Variants in EIF3I observed in about 807,000 individuals in gnomAD.
EIF3I encodes the protein eukaryotic translation initiation factor 3 subunit I.
Under a neutral mutation model 43.3 loss-of-function variants are expected in EIF3I, and 20 were observed. The observed-to-expected ratio is 0.46, with a 90% CI of 0.32 to 0.67. EIF3I has a LOEUF of 0.67. Ranked by LOEUF, EIF3I falls within the 30% of genes least tolerant of loss-of-function variation. The pLI is 0.03. For missense variants in EIF3I, 279 were observed against 421.4 expected (o/e 0.66, Z 2.96); for synonymous variants, 167 against 151.7 (o/e 1.10, Z -0.74).
At chr1:32,235,586 T>C (rs1639289826), downstream of EIF3I, among the ~76,000 whole-genome samples, 1 of 152,204 alleles carries the variant, frequency 6.6e-6, no homozygotes, top group Non-Finnish European at 1.5e-5. Context: ...CCCAAAGTGC[T>C]GGGATTACAG....
downstream of EIF3I, among the ~76,000 whole-genome samples, chr1:32,235,931 G>A (rs1240958523): frequency 3.3e-5 from 5 of 152,166 alleles, no homozygotes; most frequent in Admixed American, 1.3e-4. Context: ...ATCTAACAGC[G>A]ACTTCTCAGC....
At chr1:32,234,873 T>C (rs1639279931), downstream of EIF3I, 1 of 152,484 alleles carries the variant, frequency 6.6e-6, no homozygotes. Flanking sequence ...CTATATTTGC[T>C]TACTGAATCA....
chr1:32,228,520 G>A, exon 7 of EIF3I: 2 of 1,614,148 alleles, frequency 1.2e-6, no homozygotes, highest in Non-Finnish European at 1.7e-6. Context: ...GTTGGTGAAT[G>A]TTAAGGAGCA....
Position 32,226,238 on chromosome 1 carries a change from C to T in EIF3I, c.318C>T (p.Asn106=), listed in dbSNP as rs756108155. Reference sequence around the variant, plus strand: ...CCTGCGGTTTTGACTTTGGGGGCAACATCATCATGTTCTCCACGGACAAGC... The same window carrying T: ...CCTGCGGTTTTGACTTTGGGGGCAATATCATCATGTTCTCCACGGACAAGC... Residue 106 remains asparagine, a synonymous_variant, in exon 5 of 12, where the codon AAC becomes AAT. Coordinates refer to ENST00000676679, the Ensembl canonical transcript of EIF3I. The T allele has an allele frequency of 3.7e-6, 6 of 1,614,060 alleles. No homozygotes were observed. The South Asian group carries it at 5.5e-5, about 15-fold the overall frequency.
intron 2 of EIF3I, among the ~76,000 whole-genome samples, chr1:32,223,292 A>T (rs1189011194): frequency 6.6e-6 from 1 of 151,630 alleles, no homozygotes; most frequent in Admixed American, 6.6e-5. Flanking sequence ...ATTTTATTTT[A>T]TTTTTTCTTG....
In EIF3I at chr1:32,226,616, G is replaced by T. The variant is rs577853523; in HGVS notation, c.528+86G>T. The T allele has an allele frequency of 1.0e-3, 1,342 of 1,327,004 alleles. 6 individuals are homozygous for T. In the African/African-American group the frequency reaches 0.017, roughly 17 times the overall value. 82.2% of individuals were successfully genotyped at this position (1,327,004 alleles called of 1,614,324 possible). A position where few individuals can be genotyped will look rare whatever the true frequency, so the allele number is the denominator to read the frequency against. Reference sequence around the variant, plus strand: ...GAGTCTCTCTCTGTTGCCCAGGCTGGAGTGCAGTGGCGCCATCTCGGCTCA... The same window carrying T: ...GAGTCTCTCTCTGTTGCCCAGGCTGTAGTGCAGTGGCGCCATCTCGGCTCA... On this transcript the variant is annotated intron_variant, in intron 6 of 11. Coordinates refer to ENST00000676679, the Ensembl canonical transcript of EIF3I.
At chr1:32,233,825 G>A (rs1379933697), downstream of EIF3I, among the ~76,000 whole-genome samples, 1 of 152,134 alleles carries the variant, frequency 6.6e-6, no homozygotes, top group Non-Finnish European at 1.5e-5. Context: ...CAAGGTAGGG[G>A]TTCACTTGCA....
chr1:32,225,045 A>G (rs1298304), intron 4 of EIF3I, among the ~76,000 whole-genome samples: 4 of 151,688 alleles, frequency 2.6e-5, no homozygotes, highest in East Asian at 1.9e-4. Flanking sequence ...TGTTGGCCAG[A>G]CTGGTCTCAA....
intron 10 of EIF3I, 132 bp from the exon 10 acceptor site, chr1:32,230,795 C>T: frequency 2.9e-6 from 2 of 681,676 alleles, no homozygotes; most frequent in Non-Finnish European, 4.8e-6. Flanking sequence ...CTGTACTCCA[C>T]CCTGGGTGAC....
At chr1:32,226,064 T>C in intron 4 of EIF3I, 107 bp from the exon 5 acceptor site, 1 of 1,392,882 alleles carries the variant, frequency 7.2e-7, no homozygotes, top group Non-Finnish European at 9.8e-7. Context: ...TTTTTAAGTT[T>C]GGGTCACTGG....
intron 9 of EIF3I, among the ~76,000 whole-genome samples, chr1:32,229,543 C>T (rs930027709): frequency 5.5e-5 from 8 of 146,342 alleles, no homozygotes; most frequent in Admixed American, 1.4e-4. Flanking sequence ...CCACCGTGCC[C>T]AGCCTTTTTT....
intron 4 of EIF3I, among the ~76,000 whole-genome samples, chr1:32,225,659 T>G (rs1034502167): frequency 1.1e-4 from 17 of 148,030 alleles, no homozygotes; most frequent in Admixed American, 6.8e-4. Flanking sequence ...AAGAATCGCT[T>G]GAAAGGTTGC....
chr1:32,222,862 C>T (rs1174943222), intron 2 of EIF3I, among the ~76,000 whole-genome samples: 2 of 152,062 alleles, frequency 1.3e-5, no homozygotes, highest in East Asian at 3.9e-4. Flanking sequence ...TTTGAGAGGC[C>T]GAGGTGGGAG....
intron 8 of EIF3I, 63 bp from the exon 9 acceptor site, chr1:32,229,072 C>A: frequency 6.5e-7 from 1 of 1,537,302 alleles, no homozygotes; most frequent in Admixed American, 1.9e-5. Context: ...TATATGGCAG[C>A]AGAAAAACAC....
At chr1:32,228,936 C>A in intron 8 of EIF3I, 120 bp downstream of exon 8, 1 of 1,079,474 alleles carries the variant, frequency 9.3e-7, no homozygotes, top group Non-Finnish European at 1.4e-6. Context: ...AGAGGAGATG[C>A]CCAGAGGAGT....
downstream of EIF3I, among the ~76,000 whole-genome samples, chr1:32,232,449 TAAG>T (rs989044807): frequency 3.3e-5 from 5 of 152,088 alleles, no homozygotes; most frequent in Non-Finnish European, 5.9e-5. Flanking sequence ...GAAGGCTAAT[TAAG>T]AATGTGATGT....
intron 10 of EIF3I, 57 bp from the exon 10 acceptor site, chr1:32,230,870 T>TCC: frequency 7.4e-7 from 1 of 1,356,316 alleles, no homozygotes; most frequent in South Asian, 1.3e-5. Context: ...GAGTGCCACC[T>TCC]CCAAAGTGTT....
intron 4 of EIF3I, 83 bp from the exon 5 acceptor site, chr1:32,226,086 CAG>C: frequency 6.6e-7 from 1 of 1,507,146 alleles, no homozygotes; most frequent in Non-Finnish European, 9.0e-7. Flanking sequence ...GCAAGACAAA[CAG>C]TGAGATGTGA....
intron 9 of EIF3I, among the ~76,000 whole-genome samples, 195 bp downstream of exon 9, chr1:32,229,403 C>T (rs1269526051): frequency 1.3e-5 from 2 of 151,860 alleles, no homozygotes; most frequent in Non-Finnish European, 2.9e-5. Context: ...CACCACCATG[C>T]CTGGCTAATT....
Sources: allele counts gnomAD v4.1 joint callset (sites outside exome capture counted in the v4.1 genomes callset), GRCh38; gene constraint gnomAD v4.1.1; transcripts MANE v1.5; gene names NCBI Gene and HGNC (gene_info 2026-07-23, HGNC 2026-07-21).